ZC3H12B: variants seen among roughly 807,000 people sequenced by gnomAD.
ZC3H12B encodes the protein zinc finger CCCH-type containing 12B, also known as probable ribonuclease ZC3H12B.
A neutral mutation model predicts 43.9 loss-of-function variants in ZC3H12B; 7 were observed. That is an observed-to-expected ratio of 0.16 (90% CI 0.09 to 0.30). ZC3H12B has a LOEUF of 0.30. ZC3H12B is among the 10% of genes least tolerant of loss of function. The pLI, the probability that ZC3H12B is intolerant of heterozygous loss-of-function variation, is 1.00. For missense variants in ZC3H12B, 475 were observed against 670.2 expected, an observed-to-expected ratio of 0.71 and a Z score of 3.22; for synonymous variants, 222 against 241.7, an observed-to-expected ratio of 0.92 and a Z score of 0.76.
the ZC3H12B span, among the ~76,000 whole-genome samples, chrX:65,321,837 A>G: frequency 9.0e-6 from 1 of 111,171 alleles, no homozygotes; most frequent in African/African-American, 3.3e-5. Context: ...TGGGAGCTAA[A>G]TGATGAGAAC....
the ZC3H12B span, among the ~76,000 whole-genome samples, chrX:65,260,807 G>T: frequency 1.8e-5 from 2 of 111,626 alleles, no homozygotes; most frequent in African/African-American, 3.2e-5. Flanking sequence ...GCATTCAGAG[G>T]CTGGGATAAA....
intron 3 of ZC3H12B, among the ~76,000 whole-genome samples, chrX:65,475,465 G>A (rs1316017371): frequency 9.2e-6 from 1 of 108,688 alleles, no homozygotes; most frequent in Non-Finnish European, 1.9e-5. Flanking sequence ...TCAGGACTTT[G>A]AATATATGTT....
chrX:65,294,412 A>G, the ZC3H12B span, among the ~76,000 whole-genome samples: 1 of 111,850 alleles, frequency 8.9e-6, no homozygotes, highest in East Asian at 2.8e-4. Context: ...ATAAAGGCAT[A>G]AATCTTACAG....
chrX:65,113,946 G>A, the ZC3H12B span, among the ~76,000 whole-genome samples: 18 of 90,184 alleles, frequency 2.0e-4, no homozygotes, highest in Non-Finnish European at 3.5e-4. Flanking sequence ...GCTTTAGGCA[G>A]TTGTGTGGAA....
At chrX:65,292,425 A>G in the ZC3H12B span, among the ~76,000 whole-genome samples, 1 of 111,107 alleles carries the variant, frequency 9.0e-6, no homozygotes, top group South Asian at 3.8e-4. Context: ...GAGCCAAATG[A>G]TGAGAACACA....
At chrX:65,411,537 C>T (rs1415519684) in intron 3 of ZC3H12B, among the ~76,000 whole-genome samples, 1 of 110,402 alleles carries the variant, frequency 9.1e-6, no homozygotes, top group Non-Finnish European at 1.9e-5. Context: ...ACCAGACTGA[C>T]CAACATGGTG....
At chrX:65,142,155 A>T in the ZC3H12B span, among the ~76,000 whole-genome samples, 3 of 112,108 alleles carry the variant, frequency 2.7e-5, no homozygotes, top group African/African-American at 9.7e-5. Context: ...CCTGTTCACC[A>T]CATCCATGCC....
At chrX:65,394,882 G>A (rs1328132756) in intron 2 of ZC3H12B, among the ~76,000 whole-genome samples, 1 of 111,553 alleles carries the variant, frequency 9.0e-6, no homozygotes, top group African/African-American at 3.3e-5. Flanking sequence ...ATTTCCTTGG[G>A]CAGTGGCTTG....
At chrX:65,455,303 C>A (rs1350872824) in intron 3 of ZC3H12B, among the ~76,000 whole-genome samples, 1 of 112,391 alleles carries the variant, frequency 8.9e-6, no homozygotes, top group Non-Finnish European at 1.9e-5. Context: ...GAGCTGAAAA[C>A]CACAGCACAA....
chrX:65,330,530 G>A, the ZC3H12B span, among the ~76,000 whole-genome samples: 4 of 111,203 alleles, frequency 3.6e-5, 1 homozygote, highest in Non-Finnish European at 5.7e-5. Context: ...AGTATGATAT[G>A]GGCTGTGGGT....
At chrX:65,460,965 CAAAGGGCTAAT>C (rs1387671466) in intron 3 of ZC3H12B, among the ~76,000 whole-genome samples, 1 of 111,780 alleles carries the variant, frequency 8.9e-6, no homozygotes. Flanking sequence ...ACTCATCTGA[CAAAGGGCTAAT>C]ATCCAGAATC....
the ZC3H12B span, among the ~76,000 whole-genome samples, chrX:65,058,088 G>A: frequency 1.2e-4 from 14 of 112,368 alleles, no homozygotes; most frequent in African/African-American, 4.2e-4. Flanking sequence ...CAACTCCTCA[G>A]AGGCATTCTC....
At chrX:65,080,625 C>A in the ZC3H12B span, among the ~76,000 whole-genome samples, 1 of 111,734 alleles carries the variant, frequency 8.9e-6, no homozygotes, top group Admixed American at 9.5e-5. Context: ...AATAGTATAT[C>A]TGGTGAAAAT....
chrX:65,046,268 C>T, the ZC3H12B span, among the ~76,000 whole-genome samples: 17 of 111,851 alleles, frequency 1.5e-4, no homozygotes, highest in Admixed American at 9.5e-4. Context: ...CATCTTCTTC[C>T]GATAGAAGGC....
chrX:65,093,322 A>G, the ZC3H12B span, among the ~76,000 whole-genome samples: 14 of 111,986 alleles, frequency 1.3e-4, no homozygotes, highest in Non-Finnish European at 2.3e-4. Flanking sequence ...AGGTTGGAGC[A>G]CCTATACAGA....
the ZC3H12B span, among the ~76,000 whole-genome samples, chrX:65,239,618 A>G: frequency 8.9e-6 from 1 of 111,933 alleles, no homozygotes; most frequent in African/African-American, 3.2e-5. Context: ...TGATCATGTT[A>G]TGATGGTAGC....
At chrX:65,310,616 T>C in the ZC3H12B span, among the ~76,000 whole-genome samples, 5 of 111,916 alleles carry the variant, frequency 4.5e-5, no homozygotes, top group Non-Finnish European at 7.5e-5. Flanking sequence ...AAGCTACCAA[T>C]GACTTTCTTC....
chrX:65,101,248 G>GT, the ZC3H12B span, among the ~76,000 whole-genome samples: 1 of 112,108 alleles, frequency 8.9e-6, no homozygotes, highest in Non-Finnish European at 1.9e-5. Context: ...CTAAAGCAGT[G>GT]TTTAGAGGGA....
At chrX:65,154,474 A>G in the ZC3H12B span, among the ~76,000 whole-genome samples, 2 of 111,986 alleles carry the variant, frequency 1.8e-5, no homozygotes, top group Non-Finnish European at 3.8e-5. Flanking sequence ...TAATTTGTCA[A>G]TAATTTGGGG....
Sources: gnomAD v4.1 joint callset for allele counts (sites outside exome capture counted in the v4.1 genomes callset) on GRCh38, gnomAD v4.1.1 for gene constraint, MANE v1.5 for transcripts, NCBI Gene and HGNC (gene_info 2026-07-23, HGNC 2026-07-21) for gene names.